Variants in GRAMD4 observed in about 807,000 individuals in gnomAD.
The protein encoded by GRAMD4 is GRAM domain-containing protein 4.
A neutral mutation model predicts 83.9 loss-of-function variants in GRAMD4; 25 were observed. That is an observed-to-expected ratio of 0.30 (90% CI 0.22 to 0.42). The LOEUF (loss-of-function observed/expected upper bound fraction) is 0.42, where lower values mean the gene tolerates loss of function less well. Among genes scored for constraint, GRAMD4 ranks in the 10% least tolerant of loss-of-function variants. The probability of loss-of-function intolerance (pLI) is 1.00; values close to 1 mark genes in which losing one functional copy is unlikely to be tolerated. For missense variants in GRAMD4, 593 were observed against 788.7 expected, an observed-to-expected ratio of 0.75 and a Z score of 2.97; for synonymous variants, 336 against 320.9, an observed-to-expected ratio of 1.05 and a Z score of -0.50.
chr22:46,584,083 G>A (rs1205561150), intron 1 of GRAMD4, among the ~76,000 whole-genome samples: 3 of 152,132 alleles, frequency 2.0e-5, no homozygotes, highest in African/African-American at 7.2e-5. Flanking sequence ...ACTCGTTCCA[G>A]TGCTGGCCGT....
chr22:46,661,485 G>A (rs762321152), intron 5 of GRAMD4, 43 bp downstream of exon 5: 121 of 1,284,830 alleles, frequency 9.4e-5, no homozygotes, highest in Non-Finnish European at 1.3e-4. Context: ...GGGCGGGTGG[G>A]TGGCTGCGCG....
At chr22:46,655,988 G>A (rs1461044295) in intron 3 of GRAMD4, among the ~76,000 whole-genome samples, 3 of 152,000 alleles carry the variant, frequency 2.0e-5, no homozygotes, top group Non-Finnish European at 2.9e-5. Context: ...GGGCGGGGAG[G>A]GGGAGCTCTG....
Position 46,626,762 on chromosome 22 carries a change from G to A in GRAMD4, c.-38G>A, listed in dbSNP as rs538762997. The A allele has an allele frequency of 8.7e-6, 14 of 1,601,506 alleles. No homozygotes were observed. The highest frequency in any genetic ancestry group is 1.7e-5 in the Admixed American group (1 of 59,494). ...CCCCTCTCTTGCAGGGAACCCGAGC[G>A]TCATGTTAGGGTGAAGCAGAGGACC... On this transcript the variant is annotated 5_prime_UTR_variant, in exon 2 of 19. Transcript: ENST00000406902.
chr22:46,585,014 A>G (rs1171893046), intron 1 of GRAMD4, among the ~76,000 whole-genome samples: 2 of 152,184 alleles, frequency 1.3e-5, no homozygotes, highest in Non-Finnish European at 2.9e-5. Context: ...AAAGATCTAC[A>G]GAGCCGCATC....
intron 1 of GRAMD4, among the ~76,000 whole-genome samples, chr22:46,579,408 T>C (rs1602281981): frequency 6.6e-6 from 1 of 152,308 alleles, no homozygotes; most frequent in African/African-American, 2.4e-5. Context: ...TAGAATAGAA[T>C]AGAATAGTGG....
chr22:46,663,021 G>A lies in GRAMD4; in HGVS notation c.467-19G>A, dbSNP rs199506538. ...AGTGCAGCCCTGCCGTGCCCTCACC[G>A]GGTCCCTGCCCCCTGCAGAGCGCCG... is the stretch of plus-strand genomic sequence containing the variant. On this transcript the variant is annotated intron_variant, in intron 5 of 18. Coordinates refer to ENST00000406902, the MANE Select transcript of GRAMD4 (RefSeq NM_015124.5). The A allele has an allele frequency of 1.6e-5, 25 of 1,589,516 alleles. No homozygotes were observed. The Admixed American group carries it at 2.1e-4, about 13-fold the overall frequency.
At chr22:46,587,977 GGGCCT>G in intron 1 of GRAMD4, 1 of 983,904 alleles carries the variant, frequency 1.0e-6, no homozygotes, top group Non-Finnish European at 1.2e-6. Context: ...CAGGGGGCCA[GGGCCT>G]GGTCAGGAGG....
At chr22:46,596,983 G>A (rs563971744) in intron 1 of GRAMD4, among the ~76,000 whole-genome samples, 3 of 152,282 alleles carry the variant, frequency 2.0e-5, no homozygotes, top group Admixed American at 1.3e-4. Flanking sequence ...AGGTGGGATC[G>A]GGAGCCACCC....
intron 1 of GRAMD4, among the ~76,000 whole-genome samples, chr22:46,596,630 AACCTCCATCCC>A (rs781749180): frequency 3.9e-5 from 6 of 152,154 alleles, no homozygotes; most frequent in Non-Finnish European, 7.3e-5. Flanking sequence ...AGTTCACTGC[AACCTCCATCCC>A]CATAGTTCAA....
At chr22:46,623,077 C>G (rs565060644) in intron 1 of GRAMD4, among the ~76,000 whole-genome samples, 7 of 152,218 alleles carry the variant, frequency 4.6e-5, no homozygotes, top group African/African-American at 1.7e-4. Flanking sequence ...CGACGTCTGG[C>G]CCCATAGCGC....
intron 3 of GRAMD4, among the ~76,000 whole-genome samples, chr22:46,652,068 C>T (rs376255379): frequency 3.3e-5 from 5 of 152,258 alleles, no homozygotes; most frequent in South Asian, 2.1e-4. Flanking sequence ...GTGTGGTTGG[C>T]ACACTCATGG....
At chr22:46,584,610 C>T (rs1211148014) in intron 1 of GRAMD4, among the ~76,000 whole-genome samples, 4 of 152,158 alleles carry the variant, frequency 2.6e-5, no homozygotes, top group Non-Finnish European at 2.9e-5. Flanking sequence ...TGGGACCCCC[C>T]GGGAAGCAGT....
chr22:46,638,792 A>G (rs915277502), intron 3 of GRAMD4, among the ~76,000 whole-genome samples: 4 of 152,340 alleles, frequency 2.6e-5, no homozygotes, highest in African/African-American at 9.6e-5. Flanking sequence ...TGTGAACCAC[A>G]TGGAGCCCCC....
In GRAMD4 at chr22:46,673,712, G is replaced by A. The variant is rs569764993; in HGVS notation, c.1282G>A (p.Ala428Thr). 1 of 1,612,842 alleles carries A rather than the reference G, an allele frequency of 6.2e-7. No individual in the cohort carries two copies. The change falls in exon 15 of 19, where the codon GCC becomes ACC. Residue 428 changes from alanine to threonine, a missense_variant. This residue lies in a region of GRAMD4 where 171 missense variants were observed against 199.6 expected (regional missense o/e 0.86). Transcript: ENST00000406902. ...ACGGAGCTACGTACCCAGCGCACCG[G>A]CCGGCCTGGGTAAAGAGGAGGACGC... ...SSRSYVPSAP[A>T]GLGKEEDAGR...
chr22:46,621,432 A>G lies in GRAMD4; in HGVS notation c.-50+867A>G, dbSNP rs2081573044. 1.4e-4 allele frequency among the ~76,000 whole-genome samples: 21 copies of G among 152,156 alleles called. 1 individual carries two copies. Among genetic ancestry groups the G allele is most frequent in the Admixed American group, 1.4e-3 (21 of 15,288 alleles). On this transcript the variant is annotated intron_variant, in intron 1 of 18. Transcript: ENST00000406902. The surrounding 1 kb of genome is among the most constrained non-coding windows in gnomAD (Gnocchi z 5.8). ...CTTCAGTGCAGTGCGGGGGCTGCCC[A>G]TGTGGCCGTGGAGGGCACCCCTACC...
At chr22:46,640,481 G>A (rs2147235884) in intron 3 of GRAMD4, among the ~76,000 whole-genome samples, 1 of 152,254 alleles carries the variant, frequency 6.6e-6, no homozygotes, top group African/African-American at 2.4e-5. Flanking sequence ...GCAGATCCCG[G>A]AGGAAATGAG....
chr22:46,617,447 C>T (rs567435196), upstream of GRAMD4, among the ~76,000 whole-genome samples: 2 of 151,146 alleles, frequency 1.3e-5, no homozygotes, highest in African/African-American at 4.9e-5. Flanking sequence ...TAGGTTCCCC[C>T]CATACGTGTA....
intron 8 of GRAMD4, among the ~76,000 whole-genome samples, chr22:46,665,010 C>G (rs2082386738): frequency 6.6e-6 from 1 of 152,248 alleles, no homozygotes; most frequent in Non-Finnish European, 1.5e-5. Flanking sequence ...TCACCCTGGC[C>G]CTGGAAGGCC....
chr22:46,650,321 G>C (rs2082145020), intron 3 of GRAMD4, among the ~76,000 whole-genome samples: 1 of 126,342 alleles, frequency 7.9e-6, no homozygotes, highest in African/African-American at 3.4e-5. Context: ...GTCGAGGCTG[G>C]GTGGAGGGCT....
Sources: gnomAD v4.1 joint callset for allele counts (sites outside exome capture counted in the v4.1 genomes callset) on GRCh38, gnomAD v4.1.1 for gene constraint, gnomAD v4.1.1 regional missense constraint, Gnocchi (gnomAD v3.1) non-coding constraint, MANE v1.5 for transcripts, NCBI Gene and HGNC (gene_info 2026-07-23, HGNC 2026-07-21) for gene names.